NRG4: variants seen among roughly 807,000 people sequenced by gnomAD.
NRG4 encodes neuregulin 4.
In NRG4, 10 loss-of-function variants were observed where a neutral mutation model predicts 15.0. The ratio of observed to expected loss-of-function variants is 0.67; its 90% CI spans 0.41 to 1.13. NRG4 has a LOEUF of 1.13. Ranked by LOEUF, NRG4 falls within the 50% of genes most tolerant of loss-of-function variation. The pLI is 0.00. For missense variants in NRG4, 139 were observed against 140.2 expected, an observed-to-expected ratio of 0.99 and a Z score of 0.04; for synonymous variants, 41 against 50.1, an observed-to-expected ratio of 0.82 and a Z score of 0.77.
chr15:76,009,815 T>A (rs2034741641), intron 2 of NRG4, among the ~76,000 whole-genome samples: 1 of 152,134 alleles, frequency 6.6e-6, no homozygotes, highest in African/African-American at 2.4e-5. Context: ...AAACCAAAAA[T>A]AAACTTATAA....
chr15:75,993,874 G>C (rs749282912), intron 3 of NRG4, among the ~76,000 whole-genome samples: 12 of 151,778 alleles, frequency 7.9e-5, no homozygotes, highest in Non-Finnish European at 1.3e-4. Context: ...TTATTTCTCT[G>C]CTGGGGTTTC....
At chr15:75,979,590 T>G (rs2033521933) in intron 3 of NRG4, among the ~76,000 whole-genome samples, 1 of 152,138 alleles carries the variant, frequency 6.6e-6, no homozygotes, top group Non-Finnish European at 1.5e-5. Flanking sequence ...CATAACTGAA[T>G]TGCATAAGAC....
At chr15:76,031,759 G>A (rs2035478342) in intron 5 of NRG4, among the ~76,000 whole-genome samples, 1 of 152,220 alleles carries the variant, frequency 6.6e-6, no homozygotes. Flanking sequence ...GGAGGCTGAG[G>A]CAGAAGAATC....
intron 3 of NRG4, among the ~76,000 whole-genome samples, chr15:75,998,093 A>G (rs2034278679): frequency 6.6e-6 from 1 of 152,246 alleles, no homozygotes; most frequent in Non-Finnish European, 1.5e-5. Flanking sequence ...GAGAATTAAC[A>G]GAAAAATTAT....
At chr15:75,949,392 C>CAAAAAAAAAAAAAAAAAAAAAAAAAAA (rs59154521) in intron 5 of NRG4, among the ~76,000 whole-genome samples, 1 of 144,346 alleles carries the variant, frequency 6.9e-6, no homozygotes, top group Non-Finnish European at 1.5e-5. Flanking sequence ...GCCTGGGTGA[C>CAAAAAAAAAAAAAAAAAAAAAAAAAAA]AAAAAAAAAA....
At chr15:75,978,376 A>T (rs1204984523) in intron 3 of NRG4, among the ~76,000 whole-genome samples, 4 of 151,970 alleles carry the variant, frequency 2.6e-5, no homozygotes, top group African/African-American at 9.7e-5. Flanking sequence ...ACATGACGGG[A>T]CTTCATTTTT....
chr15:75,983,164 T>C (rs994246279), intron 3 of NRG4, among the ~76,000 whole-genome samples: 5 of 152,020 alleles, frequency 3.3e-5, no homozygotes, highest in African/African-American at 1.2e-4. Flanking sequence ...GAACCAGATA[T>C]TGGAACAAAC....
rs184587 is a variant in NRG4 at position 75,941,920 on chromosome 15, A to G, written c.*1718T>C. 1 of 141,998 alleles carries G rather than the reference A, an allele frequency of 7.0e-6. No individual in the cohort carries two copies. Among genetic ancestry groups the G allele is most frequent in the African/African-American group, 2.6e-5 (1 of 37,930 alleles). The allele number at this position is 141,998 out of a possible 1,614,324, so 8.8% of individuals were successfully genotyped here. On this transcript the variant is annotated 3_prime_UTR_variant, in exon 6 of 6. Coordinates refer to ENST00000394907, the MANE Select transcript of NRG4 (RefSeq NM_138573.4). ...ATTTAAATCTTACGTACATTTTGCC[A>G]CAGTAAATTTTTAAACCACCAAAAA...
chr15:76,058,868 C>T (rs113280995), intron 1 of NRG4, among the ~76,000 whole-genome samples: 1,589 of 152,190 alleles, frequency 0.01, 34 homozygotes, highest in African/African-American at 0.036. Flanking sequence ...TCACAGCAGC[C>T]CTTGCAAACA....
intron 4 of NRG4, among the ~76,000 whole-genome samples, chr15:75,959,887 A>T (rs1287070535): frequency 6.6e-6 from 1 of 152,160 alleles, no homozygotes; most frequent in Non-Finnish European, 1.5e-5. Context: ...TTTAAGTGTG[A>T]GACCTTCCAG....
intron 5 of NRG4, among the ~76,000 whole-genome samples, chr15:76,027,694 C>T (rs1421330932): frequency 2.6e-5 from 4 of 152,056 alleles, no homozygotes; most frequent in Admixed American, 6.6e-5. Context: ...ATAGGCTAAA[C>T]GGACATAATT....
At chr15:75,982,474 CT>C (rs1169740666) in intron 3 of NRG4, among the ~76,000 whole-genome samples, 2 of 152,174 alleles carry the variant, frequency 1.3e-5, no homozygotes, top group Non-Finnish European at 2.9e-5. Context: ...GGTTCCACTT[CT>C]GGGTATGACT....
At chr15:76,019,690 C>T (rs1055211175) in intron 5 of NRG4, among the ~76,000 whole-genome samples, 11 of 152,158 alleles carry the variant, frequency 7.2e-5, no homozygotes, top group Admixed American at 5.9e-4. Flanking sequence ...TCTAACCCAT[C>T]CCAATGAGAT....
At chr15:76,033,707 T>G (rs2035530865) in intron 5 of NRG4, among the ~76,000 whole-genome samples, 1 of 152,204 alleles carries the variant, frequency 6.6e-6, no homozygotes, top group Non-Finnish European at 1.5e-5. Flanking sequence ...CTTTTTGTAC[T>G]CATTTTTATT....
intron 5 of NRG4, among the ~76,000 whole-genome samples, 181 bp from the exon 6 acceptor site, chr15:75,943,835 C>T (rs2031249380): frequency 6.6e-6 from 1 of 152,106 alleles, no homozygotes; most frequent in African/African-American, 2.4e-5. Context: ...TGACAAGACT[C>T]CTCAGAACAC....
At chr15:75,995,338 G>T (rs916509692) in intron 3 of NRG4, among the ~76,000 whole-genome samples, 2 of 152,180 alleles carry the variant, frequency 1.3e-5, no homozygotes, top group African/African-American at 4.8e-5. Context: ...AGGTGAGGGG[G>T]AGCCAGTGTA....
At chr15:75,953,987 T>C (rs1430259609) in intron 5 of NRG4, among the ~76,000 whole-genome samples, 2 of 152,122 alleles carry the variant, frequency 1.3e-5, no homozygotes, top group African/African-American at 4.8e-5. Context: ...GTGCCAGGCC[T>C]TTGTTGAAAT....
chr15:75,968,405 T>C (rs1478808791), intron 3 of NRG4, among the ~76,000 whole-genome samples: 1 of 151,888 alleles, frequency 6.6e-6, no homozygotes, highest in Non-Finnish European at 1.5e-5. Context: ...CTGGCCAACG[T>C]GGTGAAACCC....
At chr15:76,008,331 G>A (rs2034684458) in intron 3 of NRG4, among the ~76,000 whole-genome samples, 1 of 152,002 alleles carries the variant, frequency 6.6e-6, no homozygotes, top group South Asian at 2.1e-4. Context: ...ATTTCTCTCT[G>A]CCTCCTCTCC....
Sources: gnomAD v4.1 joint callset for allele counts (sites outside exome capture counted in the v4.1 genomes callset) on GRCh38, gnomAD v4.1.1 for gene constraint, MANE v1.5 for transcripts, NCBI Gene and HGNC (gene_info 2026-07-23, HGNC 2026-07-21) for gene names.